The following FHAD1 variants were observed in gnomAD, a reference collection of about 807,000 sequenced individuals.
FHAD1 encodes forkhead-associated domain-containing protein 1.
In FHAD1, 146 loss-of-function variants were observed where a neutral mutation model predicts 191.3. That is an observed-to-expected ratio of 0.76 (90% CI 0.67 to 0.88). The LOEUF is 0.88. Ranked by LOEUF, FHAD1 falls within the 40% of genes least tolerant of loss-of-function variation. The probability of loss-of-function intolerance (pLI) is 0.00; values close to 1 mark genes in which losing one functional copy is unlikely to be tolerated. For synonymous variants in FHAD1, 616 were observed against 672.3 expected (o/e 0.92, Z 1.29); for missense variants, 1,635 against 1,785.8 (o/e 0.92, Z 1.52).
intron 16 of FHAD1, chr1:15,343,726 G>A (rs972885967): frequency 3.3e-5 from 5 of 152,150 alleles, no homozygotes; most frequent in Non-Finnish European, 7.4e-5. Context: ...ATTTAGATAC[G>A]GAAAAAGCCA....
chr1:15,345,310 C>A, intron 17 of FHAD1, 106 bp from the exon 18 acceptor site: 1 of 1,345,752 alleles, frequency 7.4e-7, no homozygotes, highest in South Asian at 1.3e-5. Flanking sequence ...CCACAGTCCC[C>A]TAGGGAGGTG....
chr1:15,387,541 G>C (rs1305286085), intron 31 of FHAD1, among the ~76,000 whole-genome samples: 1 of 152,082 alleles, frequency 6.6e-6, no homozygotes, highest in Non-Finnish European at 1.5e-5. Flanking sequence ...TTGAGGCCAG[G>C]AGTTTGAGAC....
Position 15,262,669 on chromosome 1 carries a change from A to G in FHAD1, c.94-9654A>G, listed in dbSNP as rs181349676. ...AAGCTAAATAACATCCATTGTTTGGATGGACCACGTTTTGTTTATCTTTTG... is the reference window on the plus strand; with the variant it reads ...AAGCTAAATAACATCCATTGTTTGGGTGGACCACGTTTTGTTTATCTTTTG... On this transcript the variant is annotated intron_variant, in intron 2 of 33. Transcript: ENST00000688493. Among the ~76,000 whole-genome samples, 11 of 152,296 alleles carry G rather than the reference A, an allele frequency of 7.2e-5. No homozygotes were observed. In the East Asian group the frequency reaches 1.9e-3, roughly 27 times the overall value.
In FHAD1 at chr1:15,360,493, C is replaced by T. The variant is rs573760022; in HGVS notation, c.2752C>T (p.Arg918Trp). 89 of 1,551,160 alleles carry T rather than the reference C, an allele frequency of 5.7e-5. No homozygotes were observed. Among genetic ancestry groups the T allele is most frequent in the African/African-American group, 3.6e-4 (26 of 73,116 alleles). Reference protein sequence around the residue: ...TKTKMIMVEERLILQQKMVKA... With the variant: ...TKTKMIMVEEWLILQQKMVKA... The stretch of plus-strand genomic sequence containing the variant: ...TGTTTCCCAGATCATGGTGGAAGAG[C>T]GGCTAATCCTGCAGCAGAAGATGGT... The change falls in exon 22 of 34, where the codon CGG (arginine) becomes TGG (tryptophan). Residue 918 changes from arginine (R) to tryptophan (W), a missense_variant. Physicochemically the swap from Arg to Trp is moderately radical, Grantham distance 101. Coordinates refer to ENST00000688493, the MANE Select transcript of FHAD1 (RefSeq NM_001391957.1).
intron 2 of FHAD1, among the ~76,000 whole-genome samples, chr1:15,263,060 G>A (rs1262444869): frequency 6.6e-6 from 1 of 152,144 alleles, no homozygotes; most frequent in African/African-American, 2.4e-5. Context: ...TTGTGATCTT[G>A]AGCATTCTTC....
Position 15,381,118 on chromosome 1 carries a change from G to A in FHAD1, c.3802-113G>A, listed in dbSNP as rs1288137444. Reference sequence around the variant, plus strand: ...TTGCACATCCTTTCAAAGCATGTGCGTGTTCTCTGCAATTGCAGAAAGTGA... The same window carrying A: ...TTGCACATCCTTTCAAAGCATGTGCATGTTCTCTGCAATTGCAGAAAGTGA... On this transcript the variant is annotated intron_variant, in intron 29 of 33. Transcript: ENST00000688493. This position sits in a 1 kb window ranked among gnomAD's most constrained non-coding sequence, Gnocchi z 4.6. 2.2e-5 allele frequency: 16 copies of A among 718,482 alleles called. No individual in the cohort carries two copies. The highest frequency in any genetic ancestry group is 9.2e-5 in the South Asian group (5 of 54,108). The allele number at this position is 718,482 out of a possible 1,614,324, so 44.5% of individuals were successfully genotyped here. A position where few individuals can be genotyped will look rare whatever the true frequency, so the allele number is the denominator to read the frequency against.
intron 22 of FHAD1, among the ~76,000 whole-genome samples, chr1:15,361,546 C>A (rs1426255513): frequency 6.6e-6 from 1 of 152,154 alleles, no homozygotes; most frequent in Non-Finnish European, 1.5e-5. Flanking sequence ...ATGTTCCAAT[C>A]TCATGTAGGC....
intron 31 of FHAD1, among the ~76,000 whole-genome samples, chr1:15,386,081 T>C (rs564179236): frequency 2.0e-5 from 3 of 152,292 alleles, no homozygotes; most frequent in African/African-American, 7.2e-5. Flanking sequence ...CAAGCCCACC[T>C]CTGTCCCTGA....
intron 2 of FHAD1, 79 bp downstream of exon 2, chr1:15,251,956 G>T (rs1646829402): frequency 8.4e-7 from 1 of 1,197,428 alleles, no homozygotes; most frequent in Non-Finnish European, 1.2e-6. Flanking sequence ...AGCGTTATGT[G>T]GACTCCAGTC....
At chr1:15,340,811 C>T (rs71631722) in intron 15 of FHAD1, among the ~76,000 whole-genome samples, 1,867 of 152,246 alleles carry the variant, frequency 0.012, 15 homozygotes, top group African/African-American at 0.02. Context: ...ACCTCTTCCA[C>T]TCTGCTATGG....
At position 15,382,079 on chromosome 1, in the gene FHAD1, G is replaced by A. The variant is rs1701045548; in HGVS notation, c.4074G>A (p.Glu1358=). The part of the protein sequence containing the change: ...EMYQSQVAKL[E]DDIYKEAEEK... Reference sequence around the variant, plus strand: ...ACCAGTCGCAGGTGGCAAAGCTGGAGGATGATATCTACAAAGAGGCCGAAG... The same window carrying A: ...ACCAGTCGCAGGTGGCAAAGCTGGAAGATGATATCTACAAAGAGGCCGAAG... Residue 1358 remains glutamate (E), a synonymous_variant, in exon 31 of 34, where the codon GAG becomes GAA. Transcript: ENST00000688493. The A allele has an allele frequency of 2.6e-6, 4 of 1,552,204 alleles. No individual in the cohort carries two copies. The highest frequency in any genetic ancestry group is 1.7e-4 in the Middle Eastern group (1 of 5,998).
intron 3 of FHAD1, among the ~76,000 whole-genome samples, chr1:15,284,815 A>G (rs1354229145): frequency 2.6e-5 from 4 of 152,074 alleles, no homozygotes; most frequent in African/African-American, 9.7e-5. Context: ...GCAGCCTGCT[A>G]TTTTAGACAG....
At chr1:15,363,796 G>C (rs538926683) in intron 23 of FHAD1, 206 of 456,042 alleles carry the variant, frequency 4.5e-4, no homozygotes, top group Non-Finnish European at 7.1e-4. Flanking sequence ...AGAAACAAAC[G>C]TATGAATGGG....
At position 15,318,997 on chromosome 1, in the gene FHAD1, T is replaced by G. The variant is rs890349502; in HGVS notation, c.1365+1069T>G. Among the ~76,000 whole-genome samples, 3 of 152,184 alleles carry G rather than the reference T, an allele frequency of 2.0e-5. No individual in the cohort carries two copies. The highest frequency in any genetic ancestry group is 4.4e-5 in the Non-Finnish European group (3 of 68,028). On this transcript the variant is annotated intron_variant, in intron 10 of 33. Coordinates refer to ENST00000688493, the MANE Select transcript of FHAD1 (RefSeq NM_001391957.1). This position sits in a 1 kb window ranked among gnomAD's most constrained non-coding sequence, Gnocchi z 4.1. ...TTGTCATTGAGAAAACTAAGAATTT[T>G]TTTTTTTTAATAAATAAAGACAGAG...
At chr1:15,299,719 A>T (rs1477987112) in intron 5 of FHAD1, among the ~76,000 whole-genome samples, 1 of 152,256 alleles carries the variant, frequency 6.6e-6, no homozygotes, top group Admixed American at 6.5e-5. Flanking sequence ...TTCAGTGCCC[A>T]GCACAAGCGT....
chr1:15,300,022 G>A (rs1187110596), intron 5 of FHAD1, among the ~76,000 whole-genome samples: 2 of 152,206 alleles, frequency 1.3e-5, no homozygotes, highest in Admixed American at 6.5e-5. Context: ...CTGCCCACCC[G>A]CTTCCTTCCC....
intron 33 of FHAD1, among the ~76,000 whole-genome samples, chr1:15,391,805 GA>G (rs1291090201): frequency 6.6e-6 from 1 of 152,218 alleles, no homozygotes; most frequent in Non-Finnish European, 1.5e-5. Flanking sequence ...TCCTAGGACA[GA>G]AGGTGGCTGC....
intron 3 of FHAD1, among the ~76,000 whole-genome samples, chr1:15,280,365 T>C (rs1660154817): frequency 6.6e-6 from 1 of 152,112 alleles, no homozygotes; most frequent in Admixed American, 6.5e-5. Context: ...TGAGACCAGG[T>C]TTTTTTATAT....
intron 21 of FHAD1, among the ~76,000 whole-genome samples, chr1:15,359,936 A>T (rs515216): frequency 4.0e-5 from 6 of 151,016 alleles, no homozygotes; most frequent in South Asian, 4.2e-4. Context: ...GGTGACAGAG[A>T]GAGACTCCGT....
Sources: gnomAD v4.1 joint callset for allele counts (sites outside exome capture counted in the v4.1 genomes callset) on GRCh38, gnomAD v4.1.1 for gene constraint, Gnocchi (gnomAD v3.1) non-coding constraint, MANE v1.5 for transcripts, NCBI Gene and HGNC (gene_info 2026-07-23, HGNC 2026-07-21) for gene names.